SGCZ: variants seen among roughly 807,000 people sequenced by gnomAD.
SGCZ encodes the protein zeta-sarcoglycan.
A neutral mutation model predicts 41.3 loss-of-function variants in SGCZ; 40 were observed. The ratio of observed to expected loss-of-function variants is 0.97; its 90% CI spans 0.75 to 1.26. The LOEUF (loss-of-function observed/expected upper bound fraction) is 1.26, where lower values mean the gene tolerates loss of function less well. Among genes scored for constraint, SGCZ ranks in the 50% most tolerant of loss-of-function variants. SGCZ has a pLI of 0.00. For missense variants in SGCZ, 552 were observed against 369.8 expected (o/e 1.49, Z -4.04); for synonymous variants, 206 against 137.5 (o/e 1.50, Z -3.49).
At chr8:14,970,595 T>C (rs1277342607) in intron 1 of SGCZ, among the ~76,000 whole-genome samples, 1 of 152,172 alleles carries the variant, frequency 6.6e-6, no homozygotes, top group Non-Finnish European at 1.5e-5. Context: ...GTATTTCTGC[T>C]GAAAATCGGT....
At chr8:14,111,555 A>G (rs1231282820) in intron 5 of SGCZ, among the ~76,000 whole-genome samples, 1 of 152,186 alleles carries the variant, frequency 6.6e-6, no homozygotes, top group Non-Finnish European at 1.5e-5. Context: ...TGCTATTTTA[A>G]GGGGCTGTTC....
chr8:14,273,328 C>G (rs578204724), intron 3 of SGCZ, among the ~76,000 whole-genome samples: 1 of 152,164 alleles, frequency 6.6e-6, no homozygotes, highest in African/African-American at 2.4e-5. Context: ...TATTTCCTTC[C>G]TTTATCATCC....
At chr8:14,860,678 G>T (rs1360915978) in intron 1 of SGCZ, among the ~76,000 whole-genome samples, 1 of 119,606 alleles carries the variant, frequency 8.4e-6, no homozygotes, top group African/African-American at 3.6e-5. Context: ...GAGGGAAAGA[G>T]AGAAAGAAAG....
At position 14,657,716 on chromosome 8, in the gene SGCZ, G is replaced by A. The variant is rs74677186; in HGVS notation, c.40-102790C>T. ...TCTCTCTGTTGTCAACACATATTGT[G>A]TTCCTGAATATCACAATCCATCAAT... On this transcript the variant is annotated intron_variant, in intron 1 of 7. Coordinates refer to ENST00000382080, the MANE Select transcript of SGCZ (RefSeq NM_139167.4). Among the ~76,000 whole-genome samples, 1,193 of 152,156 alleles carry A rather than the reference G, an allele frequency of 7.8e-3. 22 individuals carry two copies. Among genetic ancestry groups the A allele is most frequent in the African/African-American group, 0.027 (1,111 of 41,530 alleles).
At chr8:14,897,272 T>C (rs183314810) in intron 1 of SGCZ, among the ~76,000 whole-genome samples, 320 of 152,330 alleles carry the variant, frequency 2.1e-3, no homozygotes, top group Non-Finnish European at 3.6e-3. Flanking sequence ...AATAAACTAT[T>C]AATAAAATTA....
chr8:14,815,059 A>T (rs1003303930), intron 1 of SGCZ, among the ~76,000 whole-genome samples: 10 of 152,078 alleles, frequency 6.6e-5, no homozygotes, highest in Non-Finnish European at 1.2e-4. Flanking sequence ...GTGGTAATTC[A>T]CTTTATTTAT....
At chr8:15,036,015 A>G (rs1395095996) in intron 1 of SGCZ, among the ~76,000 whole-genome samples, 1 of 152,066 alleles carries the variant, frequency 6.6e-6, no homozygotes, top group East Asian at 1.9e-4. Context: ...AATAAATACA[A>G]TAGAAACTAG....
chr8:14,612,284 A>T (rs1805955306), intron 1 of SGCZ, among the ~76,000 whole-genome samples: 1 of 152,106 alleles, frequency 6.6e-6, no homozygotes, highest in Non-Finnish European at 1.5e-5. Flanking sequence ...TTCTCATGAT[A>T]GTGAGTGAGT....
chr8:15,019,191 G>A (rs1025336640), intron 1 of SGCZ, among the ~76,000 whole-genome samples: 2 of 152,230 alleles, frequency 1.3e-5, no homozygotes, highest in Non-Finnish European at 2.9e-5. Flanking sequence ...GTGATTTGAT[G>A]TGATGGACTG....
At chr8:14,288,054 G>C (rs1245989794) in intron 3 of SGCZ, among the ~76,000 whole-genome samples, 1 of 151,990 alleles carries the variant, frequency 6.6e-6, no homozygotes, top group Non-Finnish European at 1.5e-5. Flanking sequence ...ACTATTCTTT[G>C]AGATAAATAC....
intron 1 of SGCZ, among the ~76,000 whole-genome samples, chr8:14,948,923 T>C (rs918799757): frequency 1.3e-5 from 2 of 152,042 alleles, no homozygotes; most frequent in Non-Finnish European, 2.9e-5. Flanking sequence ...AGCCAGGATT[T>C]CTCCACTTTT....
At chr8:14,331,816 G>A (rs1802336864) in intron 2 of SGCZ, among the ~76,000 whole-genome samples, 1 of 151,440 alleles carries the variant, frequency 6.6e-6, no homozygotes, top group Non-Finnish European at 1.5e-5. Context: ...AAGTGCACTG[G>A]TGTTCCTTTA....
chr8:14,542,795 T>C (rs1803510051), intron 2 of SGCZ, among the ~76,000 whole-genome samples: 1 of 152,220 alleles, frequency 6.6e-6, no homozygotes, highest in East Asian at 1.9e-4. Context: ...GTGTATTTCA[T>C]ATTTTAAAAA....
intron 1 of SGCZ, among the ~76,000 whole-genome samples, chr8:15,137,012 A>G (rs1039939290): frequency 3.9e-5 from 6 of 152,230 alleles, no homozygotes; most frequent in African/African-American, 1.4e-4. Flanking sequence ...GGCTTAGAAG[A>G]CAGGAAGATG....
At chr8:14,963,677 A>T (rs1801039776) in intron 1 of SGCZ, among the ~76,000 whole-genome samples, 1 of 152,088 alleles carries the variant, frequency 6.6e-6, no homozygotes, top group African/African-American at 2.4e-5. Flanking sequence ...TTCAAATAGT[A>T]TTGTTTTGGA....
chr8:14,971,702 C>A (rs1389255268), intron 1 of SGCZ, among the ~76,000 whole-genome samples: 1 of 140,676 alleles, frequency 7.1e-6, no homozygotes, highest in Non-Finnish European at 1.5e-5. Flanking sequence ...CAGGCTGGAG[C>A]ACAGTGGCAC....
At chr8:14,791,380 T>A (rs1378526544) in intron 1 of SGCZ, among the ~76,000 whole-genome samples, 2 of 152,008 alleles carry the variant, frequency 1.3e-5, no homozygotes, top group Admixed American at 1.3e-4. Context: ...GGAGTGCGCC[T>A]CTAGGAGTTA....
intron 1 of SGCZ, among the ~76,000 whole-genome samples, chr8:14,963,319 A>G (rs1281879795): frequency 2.0e-5 from 3 of 148,954 alleles, no homozygotes; most frequent in Non-Finnish European, 3.0e-5. Context: ...GTGAGGTATA[A>G]ATTCATTTTC....
chr8:14,984,484 T>C (rs1801767346), intron 1 of SGCZ, among the ~76,000 whole-genome samples: 1 of 152,144 alleles, frequency 6.6e-6, no homozygotes, highest in Non-Finnish European at 1.5e-5. Context: ...TTTTTTTTCC[T>C]CTCTATTTCT....
Sources: allele counts gnomAD v4.1 joint callset (sites outside exome capture counted in the v4.1 genomes callset), GRCh38; gene constraint gnomAD v4.1.1; transcripts MANE v1.5; gene names NCBI Gene and HGNC (gene_info 2026-07-23, HGNC 2026-07-21).